Variants in KREMEN2 observed in about 807,000 individuals in gnomAD.
KREMEN2 encodes the protein kringle containing transmembrane protein 2.
A neutral mutation model predicts 49.8 loss-of-function variants in KREMEN2; 43 were observed. That is an observed-to-expected ratio of 0.86 (90% CI 0.68 to 1.11). The LOEUF is 1.11. Among genes scored for constraint, KREMEN2 ranks in the 50% most tolerant of loss-of-function variants. The probability of loss-of-function intolerance (pLI) is 0.00; values close to 1 mark genes in which losing one functional copy is unlikely to be tolerated. For missense variants in KREMEN2, 686 were observed against 665.7 expected, an observed-to-expected ratio of 1.03 and a Z score of -0.34; for synonymous variants, 355 against 304.9, an observed-to-expected ratio of 1.16 and a Z score of -1.71.
Position 2,967,519 on chromosome 16 carries a change from C to T in KREMEN2, c.1100-7C>T, listed in dbSNP as rs899717111. 8 of 1,529,882 alleles carry T rather than the reference C, an allele frequency of 5.2e-6. No individual in the cohort carries two copies. The Admixed American group carries it at 1.6e-4, about 30-fold the overall frequency. The allele number at this position is 1,529,882 out of a possible 1,614,324, so 94.8% of individuals were successfully genotyped here. On this transcript the variant is annotated splice_region_variant and splice_polypyrimidine_tract_variant and intron_variant, in intron 7 of 8. Coordinates refer to ENST00000303746, the MANE Select transcript of KREMEN2 (RefSeq NM_172229.3). ...CGCCCATCCTCACCGCAGCCGTGTG[C>T]CCGCAGCCCGGGTCTTCTCGACGGT...
chr16:2,967,662 A>C (rs1205525206), intron 8 of KREMEN2, 58 bp downstream of exon 8: 2 of 1,540,524 alleles, frequency 1.3e-6, no homozygotes, highest in Non-Finnish European at 1.7e-6. Flanking sequence ...CTGGAGCCCC[A>C]GAAGGGAACA....
chr16:2,966,077 GC>G lies in KREMEN2; in HGVS notation c.270-61del, dbSNP rs1411260902. On this transcript the variant is annotated intron_variant, in intron 2 of 8. Transcript: ENST00000303746. The surrounding 1 kb of genome is among the most constrained non-coding windows in gnomAD (Gnocchi z 8.4). ...GGCCACTTTGAGCATAGGCTGCGGG[GC>G]CGGGCCTGGGTTTGCTATTCTTGGG... 2 of 1,455,244 alleles carry G rather than the reference GC, an allele frequency of 1.4e-6. No individual in the cohort carries two copies. Among genetic ancestry groups the G allele is most frequent in the Admixed American group, 3.4e-5 (2 of 59,256 alleles). The allele number at this position is 1,455,244 out of a possible 1,614,324, so 90.1% of individuals were successfully genotyped here. A position where few individuals can be genotyped will look rare whatever the true frequency, so the allele number is the denominator to read the frequency against.
intron 2 of KREMEN2, among the ~76,000 whole-genome samples, chr16:2,965,752 CAG>C (rs1305854653): frequency 7.2e-6 from 1 of 139,828 alleles, no homozygotes; most frequent in Non-Finnish European, 1.5e-5. Context: ...GCCTGGGTGA[CAG>C]AGCGAGACTC....
In KREMEN2 at chr16:2,964,625, G is replaced by C. The variant is rs773759926; in HGVS notation, c.94+11G>C. On this transcript the variant is annotated intron_variant, in intron 1 of 8. Coordinates refer to ENST00000303746, the MANE Select transcript of KREMEN2 (RefSeq NM_172229.3). ...GCCTGCACAGTCCAGGTAAGTCCCCGCACGGCTGTCGGGCCGTGTTCACCA... is the reference window on the plus strand; with the variant it reads ...GCCTGCACAGTCCAGGTAAGTCCCCCCACGGCTGTCGGGCCGTGTTCACCA... 1.3e-6 allele frequency: 2 copies of C among 1,572,782 alleles called. No individual in the cohort carries two copies. The highest frequency in any genetic ancestry group is 2.3e-5 in the South Asian group (2 of 85,678).
In KREMEN2 at chr16:2,964,609, G is replaced by T; in HGVS notation, c.89G>T (p.Ser30Ile). 6.3e-7 allele frequency: 1 copy of T among 1,588,426 alleles called. No homozygotes were observed. Among genetic ancestry groups the T allele is most frequent in the South Asian group, 1.1e-5 (1 of 87,754 alleles). Residue 30 changes from serine to isoleucine, a missense_variant, in exon 1 of 9, where the codon AGT becomes ATT. Ser to Ile is a moderately radical substitution (Grantham distance 142). Transcript: ENST00000303746. The part of the protein sequence containing the change: ...PRGASAGSLH[S>I]PGLSECFQVN... ...GGGGCCTCGGCTGGGAGCCTGCACA[G>T]TCCAGGTAAGTCCCCGCACGGCTGT...
chr16:2,966,574 C>T lies in KREMEN2; in HGVS notation c.487-68C>T. On this transcript the variant is annotated intron_variant, in intron 4 of 8. Coordinates refer to ENST00000303746, the MANE Select transcript of KREMEN2 (RefSeq NM_172229.3). The surrounding 1 kb of genome is among the most constrained non-coding windows in gnomAD (Gnocchi z 8.4). ...ACCTCCAGCCCGATTCCCACCCCGA[C>T]CCCAGGCCCCCACCACTTCACCCCT... 1 of 1,556,800 alleles carries T rather than the reference C, an allele frequency of 6.4e-7. No individual in the cohort carries two copies.
Position 2,964,547 on chromosome 16 carries a change from C to T in KREMEN2, c.27C>T (p.Phe9=). MGTQALQG[F]LFLLFLPLLQ... is the part of the protein sequence containing the mutation. ...TGGGGACACAAGCCCTGCAGGGCTT[C>T]CTCTTTCTCCTCTTCCTCCCGCTGC... is the stretch of plus-strand genomic sequence containing the variant. Residue 9 remains phenylalanine (F), a synonymous_variant, in exon 1 of 9, where the codon TTC becomes TTT. Transcript: ENST00000303746. 1 of 1,606,118 alleles carries T rather than the reference C, an allele frequency of 6.2e-7. No individual in the cohort carries two copies. The highest frequency in any genetic ancestry group is 1.1e-5 in the South Asian group (1 of 90,108).
In KREMEN2 at chr16:2,967,575, C is replaced by A. The variant is rs1340814251; in HGVS notation, c.1149C>A (p.Leu383=). The A allele has an allele frequency of 6.5e-7, 1 of 1,530,136 alleles. No individual in the cohort carries two copies. Among genetic ancestry groups the A allele is most frequent in the African/African-American group, 1.4e-5 (1 of 72,776 alleles). The allele number at this position is 1,530,136 out of a possible 1,614,324, so 94.8% of individuals were successfully genotyped here. A position where few individuals can be genotyped will look rare whatever the true frequency, so the allele number is the denominator to read the frequency against. Residue 383 remains leucine, a synonymous_variant, in exon 8 of 9, where the codon CTC becomes CTA. Coordinates refer to ENST00000303746, the MANE Select transcript of KREMEN2 (RefSeq NM_172229.3). ...VTAVSVLLLL[L]LGLLRPLRRR... is the part of the protein sequence containing the mutation. ...CTGTCTCGGTGCTGCTGCTGCTGCT[C>A]CTGGGGCTGCTGCGTCCGCTGCGCC... is the stretch of plus-strand genomic sequence containing the variant.
At chr16:2,965,661 C>T (rs2071803121) in intron 2 of KREMEN2, among the ~76,000 whole-genome samples, 2 of 151,904 alleles carry the variant, frequency 1.3e-5, no homozygotes, top group Admixed American at 6.6e-5. Context: ...ATCCCAGCTA[C>T]TCAGGAGGCT....
chr16:2,967,202 C>T lies in KREMEN2; in HGVS notation c.933C>T (p.Asp311=), dbSNP rs2071843798. The change falls in exon 6 of 9, where the codon GAC becomes GAT. Residue 311 remains aspartate, a synonymous_variant. Transcript: ENST00000303746. ...TAALLLTFRS[D]ARGHAQGFAL... The stretch of plus-strand genomic sequence containing the variant: ...CGCTGCTGCTCACCTTCCGAAGCGA[C>T]GCGCGCGGCCACGCGCAAGGCTTCG... The T allele has an allele frequency of 1.5e-6, 2 of 1,356,924 alleles. No homozygotes were observed. The highest frequency in any genetic ancestry group is 1.9e-6 in the Non-Finnish European group (2 of 1,063,926). The allele number at this position is 1,356,924 out of a possible 1,614,324, so 84.1% of individuals were successfully genotyped here.
In KREMEN2 at chr16:2,967,933, C is replaced by T. The variant is rs756940584; in HGVS notation, c.1302C>T (p.Asp434=). The T allele has an allele frequency of 3.0e-5, 47 of 1,582,044 alleles. No homozygotes were observed. Among genetic ancestry groups the T allele is most frequent in the Non-Finnish European group, 3.9e-5 (46 of 1,166,058 alleles). Residue 434 remains aspartate, a synonymous_variant, in exon 9 of 9, where the codon GAC becomes GAT. Coordinates refer to ENST00000303746, the MANE Select transcript of KREMEN2 (RefSeq NM_172229.3). ...RGVALPCSPG[D]PQAEGSAAGY... is the part of the protein sequence containing the mutation. ...TGGCCTTGCCCTGCTCCCCCGGGGA[C>T]CCCCAGGCTGAGGGTTCTGCCGCGG...
Position 2,967,071 on chromosome 16 carries a change from C to G in KREMEN2, c.802C>G (p.Pro268Ala). The change falls in exon 6 of 9, where the codon CCG becomes GCG. Residue 268 changes from proline to alanine, a missense_variant. Physicochemically the swap from Pro to Ala is conservative, Grantham distance 27. Transcript: ENST00000303746. Reference sequence around the variant, plus strand: ...CTTCCGCCTCTTCGAGCTGGCCGACCCGCGCGACCGGCTGGAGCTGCGCGA... The same window carrying G: ...CTTCCGCCTCTTCGAGCTGGCCGACGCGCGCGACCGGCTGGAGCTGCGCGA... ...LTFRLFELAD[P>A]RDRLELRDAA... 1 of 1,526,038 alleles carries G rather than the reference C, an allele frequency of 6.6e-7. No individual in the cohort carries two copies. Among genetic ancestry groups the G allele is most frequent in the South Asian group, 1.2e-5 (1 of 82,636 alleles). 94.5% of individuals were successfully genotyped at this position (1,526,038 alleles called of 1,614,324 possible).
In KREMEN2 at chr16:2,964,615, G is replaced by C; in HGVS notation, c.94+1G>C. 6.3e-7 allele frequency: 1 copy of C among 1,585,118 alleles called. No homozygotes were observed. The highest frequency in any genetic ancestry group is 8.6e-7 in the Non-Finnish European group (1 of 1,169,382). On this transcript the variant is annotated splice_donor_variant, in intron 1 of 8. Coordinates refer to ENST00000303746, the MANE Select transcript of KREMEN2 (RefSeq NM_172229.3). LOFTEE classifies it high-confidence loss of function. The stretch of plus-strand genomic sequence containing the variant: ...TCGGCTGGGAGCCTGCACAGTCCAG[G>C]TAAGTCCCCGCACGGCTGTCGGGCC...
chr16:2,968,052 G>A lies in KREMEN2; in HGVS notation c.*32G>A. The A allele has an allele frequency of 1.3e-6, 2 of 1,525,374 alleles. No homozygotes were observed. Among genetic ancestry groups the A allele is most frequent in the Non-Finnish European group, 1.8e-6 (2 of 1,137,640 alleles). 94.5% of individuals were successfully genotyped at this position (1,525,374 alleles called of 1,614,324 possible). A position where few individuals can be genotyped will look rare whatever the true frequency, so the allele number is the denominator to read the frequency against. On this transcript the variant is annotated 3_prime_UTR_variant, in exon 9 of 9. Transcript: ENST00000303746. Reference sequence around the variant, plus strand: ...GCCCCGAGGGTCCGCTGGGCCCGCCGCCGGCGAGATGGACACCTGAGATGC... The same window carrying A: ...GCCCCGAGGGTCCGCTGGGCCCGCCACCGGCGAGATGGACACCTGAGATGC...
rs2071822956 is a variant in KREMEN2 at position 2,966,532 on chromosome 16, C to T, written c.486+83C>T. 6.3e-7 allele frequency: 1 copy of T among 1,588,494 alleles called. No individual in the cohort carries two copies. Among genetic ancestry groups the T allele is most frequent in the Admixed American group, 1.7e-5 (1 of 57,854 alleles). ...ACTCCCAACACTCGGTTGCCAAACC[C>T]AGACACCGGTTTCTGAACCTCCAGC... is the stretch of plus-strand genomic sequence containing the variant. On this transcript the variant is annotated intron_variant, in intron 4 of 8. Coordinates refer to ENST00000303746, the MANE Select transcript of KREMEN2 (RefSeq NM_172229.3). The surrounding 1 kb of genome is among the most constrained non-coding windows in gnomAD (Gnocchi z 8.4).
In KREMEN2 at chr16:2,966,787, T is replaced by A. The variant is rs773531282; in HGVS notation, c.632T>A (p.Val211Asp). The A allele has an allele frequency of 6.2e-7, 1 of 1,604,414 alleles. No homozygotes were observed. The highest frequency in any genetic ancestry group is 1.1e-5 in the South Asian group (1 of 90,732). ...QLCGGDGRLG[V>D]YEVSVGSCQG... Reference sequence around the variant, plus strand: ...TGTGGCGGCGATGGGCGGCTGGGCGTCTATGAAGGTGAGGAGTGGGCGGGG... The same window carrying A: ...TGTGGCGGCGATGGGCGGCTGGGCGACTATGAAGGTGAGGAGTGGGCGGGG... The change falls in exon 5 of 9, where the codon GTC (valine) becomes GAC (aspartate). Residue 211 changes from valine (V) to aspartate (D), a missense_variant. Physicochemically the swap from Val to Asp is radical, Grantham distance 152 (BLOSUM62 -3). Coordinates refer to ENST00000303746, the MANE Select transcript of KREMEN2 (RefSeq NM_172229.3). The surrounding 1 kb of genome is among the most constrained non-coding windows in gnomAD (Gnocchi z 8.4).
Position 2,966,977 on chromosome 16 carries a change from G to A in KREMEN2, c.708G>A (p.Pro236=), listed in dbSNP as rs776086734. ...GCGTCATCTACTCCCCGGACTTCCC[G>A]GACGAGTACGGGCCGGACCGGAACT... ...PQGVIYSPDF[P]DEYGPDRNCS... is the part of the protein sequence containing the mutation. Residue 236 remains proline, a synonymous_variant, in exon 6 of 9, where the codon CCG becomes CCA. Coordinates refer to ENST00000303746, the MANE Select transcript of KREMEN2 (RefSeq NM_172229.3). This position sits in a 1 kb window ranked among gnomAD's most constrained non-coding sequence, Gnocchi z 8.4. 13 of 1,555,024 alleles carry A rather than the reference G, an allele frequency of 8.4e-6. No individual in the cohort carries two copies. The highest frequency in any genetic ancestry group is 1.0e-5 in the Non-Finnish European group (12 of 1,149,410).
At position 2,966,656 on chromosome 16, in the gene KREMEN2, G is replaced by A; in HGVS notation, c.501G>A (p.Glu167=). ...RMKGYQLAGV[E]AGYACFCGSE... ...TGTGCTCCCAGCTGGCGGGCGTGGA[G>A]GCCGGTTACGCCTGCTTCTGTGGCT... is the stretch of plus-strand genomic sequence containing the variant. Residue 167 remains glutamate, a synonymous_variant, in exon 5 of 9, where the codon GAG becomes GAA. Transcript: ENST00000303746. The surrounding 1 kb of genome is among the most constrained non-coding windows in gnomAD (Gnocchi z 8.4). 1 of 1,610,182 alleles carries A rather than the reference G, an allele frequency of 6.2e-7. No individual in the cohort carries two copies.
chr16:2,965,442 G>A (rs180766379), intron 2 of KREMEN2, among the ~76,000 whole-genome samples: 2 of 152,274 alleles, frequency 1.3e-5, no homozygotes, highest in East Asian at 3.9e-4. Flanking sequence ...AGCGGGAGGA[G>A]AGCCGCAAAG....
Sources: allele counts gnomAD v4.1 joint callset (sites outside exome capture counted in the v4.1 genomes callset), GRCh38; gene constraint gnomAD v4.1.1; non-coding constraint Gnocchi (gnomAD v3.1); transcripts MANE v1.5; gene names NCBI Gene and HGNC (gene_info 2026-07-23, HGNC 2026-07-21).